The following MAST4 variants were observed in gnomAD, a reference collection of about 807,000 sequenced individuals.
MAST4 encodes microtubule-associated serine/threonine-protein kinase 4.
In MAST4, 89 loss-of-function variants were observed where a neutral mutation model predicts 162.7. The ratio of observed to expected loss-of-function variants is 0.55; its 90% CI spans 0.46 to 0.65. The LOEUF (loss-of-function observed/expected upper bound fraction) is 0.65, where lower values mean the gene tolerates loss of function less well. MAST4 is among the 30% of genes least tolerant of loss of function. The pLI is 0.00. For missense variants in MAST4, 3,153 were observed against 3,374.0 expected, an observed-to-expected ratio of 0.93 and a Z score of 1.62; for synonymous variants, 1,479 against 1,361.1, an observed-to-expected ratio of 1.09 and a Z score of -1.91.
At chr5:67,073,316 C>T (rs1761194745) in intron 5 of MAST4, among the ~76,000 whole-genome samples, 1 of 152,136 alleles carries the variant, frequency 6.6e-6, no homozygotes, top group Non-Finnish European at 1.5e-5. Flanking sequence ...ATTTCTTTGG[C>T]AGGTCTTCTT....
chr5:67,059,612 G>A (rs548530990), intron 5 of MAST4, among the ~76,000 whole-genome samples: 36 of 152,298 alleles, frequency 2.4e-4, no homozygotes, highest in Non-Finnish European at 2.8e-4. Flanking sequence ...GGTAGCAAAT[G>A]TAGCCCTGTT....
chr5:66,763,222 T>A (rs980893430), intron 2 of MAST4, among the ~76,000 whole-genome samples: 6 of 152,220 alleles, frequency 3.9e-5, no homozygotes, highest in African/African-American at 1.4e-4. Context: ...TAGTAGGTTT[T>A]AAATAAACTC....
intron 3 of MAST4, among the ~76,000 whole-genome samples, chr5:66,826,545 TTTG>T (rs1757266272): frequency 6.6e-6 from 1 of 152,120 alleles, no homozygotes; most frequent in Non-Finnish European, 1.5e-5. Flanking sequence ...CCTGTTTTGT[TTTG>T]TTCTCCTGAT....
intron 4 of MAST4, among the ~76,000 whole-genome samples, chr5:67,000,181 C>T (rs896482324): frequency 2.0e-5 from 3 of 151,932 alleles, no homozygotes; most frequent in Non-Finnish European, 4.4e-5. Context: ...CTTCTAGGTG[C>T]CCTGAAAATG....
intron 1 of MAST4, among the ~76,000 whole-genome samples, chr5:66,747,264 C>T (rs1040635684): frequency 9.2e-5 from 14 of 152,138 alleles, no homozygotes; most frequent in Admixed American, 6.5e-5. Context: ...AGAAATGAAA[C>T]TAGTGCTACA....
chr5:66,948,962 G>A (rs989538410), intron 4 of MAST4, among the ~76,000 whole-genome samples: 3 of 151,918 alleles, frequency 2.0e-5, no homozygotes, highest in African/African-American at 2.4e-5. Context: ...TTTTAATAGC[G>A]CTTTTGAAAA....
At chr5:66,914,423 G>A (rs1763971258) in intron 4 of MAST4, among the ~76,000 whole-genome samples, 1 of 152,228 alleles carries the variant, frequency 6.6e-6, no homozygotes, top group Non-Finnish European at 1.5e-5. Flanking sequence ...AAGTGCAAGG[G>A]ACGTAGTTGG....
intron 3 of MAST4, among the ~76,000 whole-genome samples, chr5:66,829,268 G>A (rs1332456143): frequency 6.6e-6 from 1 of 151,958 alleles, no homozygotes; most frequent in Non-Finnish European, 1.5e-5. Context: ...GTTTTGTGTC[G>A]GGATCAACCT....
chr5:67,013,941 T>C (rs893924172), intron 4 of MAST4, among the ~76,000 whole-genome samples: 15 of 152,182 alleles, frequency 9.9e-5, no homozygotes, highest in African/African-American at 3.6e-4. Context: ...CTGATTTGAG[T>C]GGCTTGTTGA....
chr5:67,006,330 G>T (rs115554006), intron 4 of MAST4, among the ~76,000 whole-genome samples: 73 of 152,172 alleles, frequency 4.8e-4, no homozygotes, highest in Non-Finnish European at 4.4e-5. Flanking sequence ...TGTTTTTCTC[G>T]TTCTGCCATA....
At chr5:67,100,090 G>A (rs549312473) in intron 7 of MAST4, among the ~76,000 whole-genome samples, 2 of 152,272 alleles carry the variant, frequency 1.3e-5, no homozygotes, top group Non-Finnish European at 2.9e-5. Flanking sequence ...GCCATGTTCA[G>A]TTGAGAACTA....
chr5:67,071,946 A>G (rs184478244), intron 5 of MAST4, among the ~76,000 whole-genome samples: 2 of 152,238 alleles, frequency 1.3e-5, no homozygotes, highest in Admixed American at 1.3e-4. Flanking sequence ...GATCAGAGAC[A>G]AGGGTGACAG....
At chr5:66,911,966 C>G (rs1763807657) in intron 4 of MAST4, among the ~76,000 whole-genome samples, 1 of 152,170 alleles carries the variant, frequency 6.6e-6, no homozygotes, top group Non-Finnish European at 1.5e-5. Context: ...GTGCCTAACT[C>G]TTCCTAAACC....
At position 66,871,588 on chromosome 5, in the gene MAST4, A is replaced by C. The variant is rs547061140; in HGVS notation, c.643-28363A>C. Among the ~76,000 whole-genome samples, 15 of 152,368 alleles carry C rather than the reference A, an allele frequency of 9.8e-5. No individual in the cohort carries two copies. The South Asian group carries it at 1.2e-3, about 13-fold the overall frequency. ...AAGTCTCAGGCCAGTTCTGTGTAACAGACTTTAATTGAACAGTTATTAGCA... is the reference window on the plus strand; with the variant it reads ...AAGTCTCAGGCCAGTTCTGTGTAACCGACTTTAATTGAACAGTTATTAGCA... On this transcript the variant is annotated intron_variant, in intron 3 of 28. Transcript: ENST00000403625.
intron 1 of MAST4, among the ~76,000 whole-genome samples, chr5:66,657,190 C>T (rs4358482): frequency 0.5 from 75,733 of 152,012 alleles, 19,236 homozygotes; most frequent in South Asian, 0.66. Flanking sequence ...TTTTAATGAC[C>T]GAATCTAGTC....
chr5:67,055,011 T>G (rs1758631396), intron 5 of MAST4, among the ~76,000 whole-genome samples: 1 of 138,536 alleles, frequency 7.2e-6, no homozygotes, highest in Non-Finnish European at 1.5e-5. Flanking sequence ...ATATGCTGGT[T>G]TTTTTTTTTT....
At chr5:66,742,689 T>C (rs1752540352) in intron 1 of MAST4, among the ~76,000 whole-genome samples, 1 of 152,158 alleles carries the variant, frequency 6.6e-6, no homozygotes, top group African/African-American at 2.4e-5. Flanking sequence ...TCTTTTCCTT[T>C]CCTGATTGCA....
At chr5:66,597,108 C>G (rs1427957332) in intron 1 of MAST4, 90 bp downstream of exon 1, 3 of 1,278,968 alleles carry the variant, frequency 2.3e-6, no homozygotes, top group Non-Finnish European at 3.0e-6. Context: ...GGCAGGAGAG[C>G]GCTGTGGCCT....
intron 4 of MAST4, among the ~76,000 whole-genome samples, chr5:66,925,798 ACT>A (rs1484865549): frequency 6.6e-6 from 1 of 152,062 alleles, no homozygotes; most frequent in African/African-American, 2.4e-5. Context: ...ATTGCCTAGC[ACT>A]CTCATTGACT....
Sources: allele counts gnomAD v4.1 joint callset (sites outside exome capture counted in the v4.1 genomes callset), GRCh38; gene constraint gnomAD v4.1.1; transcripts MANE v1.5; gene names NCBI Gene and HGNC (gene_info 2026-07-23, HGNC 2026-07-21).